Variants in E2F7 observed in about 807,000 individuals in gnomAD.
E2F7 encodes the protein transcription factor E2F7.
A neutral mutation model predicts 81.1 loss-of-function variants in E2F7; 35 were observed. The observed-to-expected ratio is 0.43, with a 90% CI of 0.33 to 0.57. E2F7 has a LOEUF of 0.57. Among genes scored for constraint, E2F7 ranks in the 20% least tolerant of loss-of-function variants. The pLI, the probability that E2F7 is intolerant of heterozygous loss-of-function variation, is 0.04. For missense variants in E2F7, 961 were observed against 1,093.7 expected, an observed-to-expected ratio of 0.88 and a Z score of 1.71; for synonymous variants, 416 against 416.2, an observed-to-expected ratio of 1.00 and a Z score of 0.01.
At chr12:77,043,540 G>A (rs1250919910) in intron 6 of E2F7, among the ~76,000 whole-genome samples, 3 of 151,984 alleles carry the variant, frequency 2.0e-5, no homozygotes, top group Non-Finnish European at 2.9e-5. Flanking sequence ...GACATGGCAC[G>A]TCAAAAGCAT....
At chr12:77,059,960 CAAAAAA>C (rs59663589) in intron 2 of E2F7, among the ~76,000 whole-genome samples, 1 of 77,220 alleles carries the variant, frequency 1.3e-5, no homozygotes, top group African/African-American at 4.9e-5. Flanking sequence ...GATTCTGTCT[CAAAAAA>C]AAAAAAAAAA....
chr12:77,036,899 G>A (rs1218378124), intron 7 of E2F7, among the ~76,000 whole-genome samples: 2 of 152,066 alleles, frequency 1.3e-5, no homozygotes, highest in African/African-American at 2.4e-5. Flanking sequence ...CCGCCACCAC[G>A]CCTGGCTAAT....
At chr12:77,027,796 G>A in intron 11 of E2F7, 87 bp downstream of exon 11, 1 of 1,532,676 alleles carries the variant, frequency 6.5e-7, no homozygotes, top group Admixed American at 2.0e-5. Context: ...AAGCCACTTT[G>A]GGTCAGGTGA....
intron 2 of E2F7, among the ~76,000 whole-genome samples, chr12:77,060,879 C>A (rs1343421444): frequency 6.6e-6 from 1 of 152,204 alleles, no homozygotes. Context: ...TGATCCACTG[C>A]TCTTACTTAG....
intron 8 of E2F7, 122 bp from the exon 9 acceptor site, chr12:77,033,244 T>G (rs1166195876): frequency 1.8e-5 from 16 of 892,176 alleles, no homozygotes; most frequent in Non-Finnish European, 2.5e-5. Context: ...AAATCTGTTA[T>G]GGTTTTGATT....
chr12:77,028,849 G>A (rs542433551), intron 10 of E2F7, among the ~76,000 whole-genome samples: 4 of 152,326 alleles, frequency 2.6e-5, no homozygotes, highest in Admixed American at 6.5e-5. Context: ...GTGCCACACT[G>A]ATTTGTGTAT....
Position 77,046,303 on chromosome 12 carries a change from G to A in E2F7, c.564C>T (p.Asp188=), listed in dbSNP as rs1329561050. The A allele has an allele frequency of 1.2e-6, 2 of 1,613,562 alleles. No individual in the cohort carries two copies. Among genetic ancestry groups the A allele is most frequent in the African/African-American group, 2.7e-5 (2 of 74,898 alleles). ...GCAGCGACTCCAGCACATTTACAAT[G>A]TCATAGATGCGTCTCCTTTCCACAC... ...SLGVERRRIY[D]IVNVLESLHL... is the part of the protein sequence containing the mutation. Residue 188 remains aspartate (D), a synonymous_variant, in exon 5 of 13, where the codon GAC becomes GAT. Coordinates refer to ENST00000322886, the MANE Select transcript of E2F7 (RefSeq NM_203394.3).
rs183415913 is a variant in E2F7 at position 77,047,464 on chromosome 12, G to A, written c.539-1136C>T. ...TAGAAACAGATTTTAAAAATCTCAC[G>A]TCTGTGACTCATTCTGTTATCCAAC... On this transcript the variant is annotated intron_variant, in intron 4 of 12. Coordinates refer to ENST00000322886, the MANE Select transcript of E2F7 (RefSeq NM_203394.3). Among the ~76,000 whole-genome samples, 880 of 152,242 alleles carry A rather than the reference G, an allele frequency of 5.8e-3. 5 individuals are homozygous for A. Among genetic ancestry groups the A allele is most frequent in the Non-Finnish European group, 8.5e-3 (575 of 68,018 alleles).
At chr12:77,038,640 A>C (rs1035112488) in intron 7 of E2F7, among the ~76,000 whole-genome samples, 1 of 152,156 alleles carries the variant, frequency 6.6e-6, no homozygotes, top group Non-Finnish European at 1.5e-5. Flanking sequence ...TATAGCACTA[A>C]ATGCTTATTG....
chr12:77,032,976 G>T, intron 9 of E2F7, 74 bp downstream of exon 9: 1 of 1,410,570 alleles, frequency 7.1e-7, no homozygotes, highest in Non-Finnish European at 9.8e-7. Context: ...TTTGATGGGT[G>T]GCACTGCAAT....
intron 3 of E2F7, among the ~76,000 whole-genome samples, chr12:77,051,096 G>C (rs1352386265): frequency 6.6e-6 from 1 of 152,136 alleles, no homozygotes; most frequent in Non-Finnish European, 1.5e-5. Flanking sequence ...GGCATCAGCT[G>C]TATCAGAATC....
intron 2 of E2F7, among the ~76,000 whole-genome samples, chr12:77,058,667 C>T (rs1955053938): frequency 1.3e-5 from 2 of 152,172 alleles, no homozygotes; most frequent in South Asian, 4.1e-4. Flanking sequence ...CTTTATTTCT[C>T]TCAACCGAAA....
In E2F7 at chr12:77,043,113, G is replaced by A; in HGVS notation, c.1075C>T (p.Arg359Cys). Reference protein sequence around the residue: ...KKVHVTEERGRKPAFKWIGPV... With the variant: ...KKVHVTEERGCKPAFKWIGPV... ...CCGATCCACTTGAAGGCTGGTTTAC[G>A]ACCTCGCTCTTCTGTTACATGCACT... Residue 359 changes from arginine to cysteine, a missense_variant, in exon 7 of 13, where the codon CGT becomes TGT. By Grantham distance (180) the Arg-to-Cys change is radical. This residue lies in a region of E2F7 where 301 missense variants were observed against 405.0 expected (regional missense o/e 0.74). Coordinates refer to ENST00000322886, the MANE Select transcript of E2F7 (RefSeq NM_203394.3). 2.5e-6 allele frequency: 4 copies of A among 1,614,132 alleles called. No individual in the cohort carries two copies. The highest frequency in any genetic ancestry group is 3.4e-6 in the Non-Finnish European group (4 of 1,180,012).
At chr12:77,051,062 G>A (rs1565908595) in intron 3 of E2F7, among the ~76,000 whole-genome samples, 1 of 152,152 alleles carries the variant, frequency 6.6e-6, no homozygotes, top group African/African-American at 2.4e-5. Context: ...GCATCACCAA[G>A]AGCTTGTGAG....
At chr12:77,050,847 C>CTT (rs1954980848) in intron 3 of E2F7, 103 bp from the exon 4 acceptor site, 3 of 1,119,422 alleles carry the variant, frequency 2.7e-6, no homozygotes, top group Non-Finnish European at 3.8e-6. Flanking sequence ...CATCTCAATC[C>CTT]ATACCATCCT....
intron 12 of E2F7, 109 bp downstream of exon 12, chr12:77,025,449 G>A: frequency 7.9e-7 from 1 of 1,269,624 alleles, no homozygotes; most frequent in South Asian, 1.4e-5. Context: ...AAGCCAGGTG[G>A]AGCCTGACCT....
chr12:77,059,187 T>G (rs1033266870), intron 2 of E2F7, among the ~76,000 whole-genome samples: 5 of 152,146 alleles, frequency 3.3e-5, no homozygotes, highest in African/African-American at 9.7e-5. Context: ...GGGAGCTAGG[T>G]CATGTGGTAG....
At chr12:77,033,189 AATTATCTAGCTGAGAATTCATT>A in intron 8 of E2F7, 67 bp from the exon 9 acceptor site, 1 of 1,354,178 alleles carries the variant, frequency 7.4e-7, no homozygotes, top group Non-Finnish European at 1.0e-6. Context: ...ATATACTGAG[AATTATCTAGCTGAGAATTCATT>A]ATTCTCAGCT....
intron 8 of E2F7, 53 bp from the exon 9 acceptor site, chr12:77,033,175 A>C: frequency 7.0e-7 from 1 of 1,430,358 alleles, no homozygotes; most frequent in Non-Finnish European, 9.8e-7. Context: ...TATACATACC[A>C]ACTATATACT....
Sources: gnomAD v4.1 joint callset for allele counts (sites outside exome capture counted in the v4.1 genomes callset) on GRCh38, gnomAD v4.1.1 for gene constraint, gnomAD v4.1.1 regional missense constraint, MANE v1.5 for transcripts, NCBI Gene and HGNC (gene_info 2026-07-23, HGNC 2026-07-21) for gene names.